The following EME2 variants were observed in gnomAD, a reference collection of about 807,000 sequenced individuals.
EME2 encodes structure-specific endonuclease subunit EME2.
Under a neutral mutation model 41.9 loss-of-function variants are expected in EME2, and 58 were observed. The observed-to-expected ratio is 1.38, with a 90% CI of 1.12 to 1.72. The LOEUF is 1.72. Ranked by LOEUF, EME2 falls within the 40% of genes most tolerant of loss-of-function variation. The probability of loss-of-function intolerance (pLI) is 0.00; values close to 1 mark genes in which losing one functional copy is unlikely to be tolerated. For missense variants in EME2, 695 were observed against 541.9 expected, an observed-to-expected ratio of 1.28 and a Z score of -2.81; for synonymous variants, 334 against 239.3, an observed-to-expected ratio of 1.40 and a Z score of -3.65.
In EME2 at chr16:1,774,313, G is replaced by A. The variant is rs1213074427; in HGVS notation, c.438G>A (p.Glu146=). Residue 146 remains glutamate, a synonymous_variant, in exon 3 of 8, where the codon GAG becomes GAA. Coordinates refer to ENST00000568449, the MANE Select transcript of EME2 (RefSeq NM_001257370.2). Reference sequence around the variant, plus strand: ...AACAGGAATTGCTGCTGCTGCTGGAGCCCGAGGAGTTTCTGCAGGGCGTCG... The same window carrying A: ...AACAGGAATTGCTGCTGCTGCTGGAACCCGAGGAGTTTCTGCAGGGCGTCG... ...AGEQELLLLL[E]PEEFLQGVAT... 3.1e-6 allele frequency: 5 copies of A among 1,612,844 alleles called. No homozygotes were observed. The highest frequency in any genetic ancestry group is 4.2e-6 in the Non-Finnish European group (5 of 1,179,938).
In EME2 at chr16:1,776,431, G is replaced by A. The variant is rs1423178454; in HGVS notation, c.*193G>A. On this transcript the variant is annotated 3_prime_UTR_variant, in exon 8 of 8. Coordinates refer to ENST00000568449, the MANE Select transcript of EME2 (RefSeq NM_001257370.2). ...GTAGCTGGGAGAAGAGGGGCTTCTG[G>A]CTGGCAGATGGCTGGCGGTTCCTGT... The A allele has an allele frequency of 1.7e-5, 10 of 578,236 alleles. No homozygotes were observed. The highest frequency in any genetic ancestry group is 3.0e-5 in the Non-Finnish European group (10 of 331,230). 35.8% of individuals were successfully genotyped at this position (578,236 alleles called of 1,614,324 possible).
rs142570450 is a variant in EME2 at position 1,776,129 on chromosome 16, C to T, written c.1031C>T (p.Pro344Leu). The T allele has an allele frequency of 2.0e-4, 324 of 1,612,134 alleles. 1 individual carries two copies. The highest frequency in any genetic ancestry group is 3.3e-4 in the South Asian group (30 of 91,070). The change falls in exon 8 of 8, where the codon CCG becomes CTG. Residue 344 changes from proline (P) to leucine (L), a missense_variant. Physicochemically the swap from Pro to Leu is moderately conservative, Grantham distance 98 (BLOSUM62 -3). Transcript: ENST00000568449. ...RMGLLADLPV[P>L]PSEGGRPRRV... ...GGCCTCCTGGCCGACCTTCCTGTGC[C>T]GCCCAGTGAAGGCGGGCGTCCCCGC...
rs780400524 is a variant in EME2, at chr16:1,776,245, G to A, written c.*7G>A. The A allele has an allele frequency of 2.2e-5, 35 of 1,611,954 alleles. 1 individual carries two copies. Among genetic ancestry groups the A allele is most frequent in the Admixed American group, 1.3e-4 (8 of 59,952 alleles). On this transcript the variant is annotated 3_prime_UTR_variant, in exon 8 of 8. Coordinates refer to ENST00000568449, the MANE Select transcript of EME2 (RefSeq NM_001257370.2). ...GCTGGACCTGGGCTCCTGACCACAC[G>A]TGGGACCACCAGGACAGCATGCAGC...
chr16:1,776,019 G>T, intron 7 of EME2, 33 bp downstream of exon 7: 1 of 1,606,040 alleles, frequency 6.2e-7, no homozygotes, highest in South Asian at 1.1e-5. Flanking sequence ...CCCTCCAGGT[G>T]CAGAAGCCCC....
chr16:1,777,259 C>T lies in EME2; in HGVS notation c.*1021C>T, dbSNP rs373221053. The T allele has an allele frequency of 1.4e-4, 226 of 1,610,350 alleles. No individual in the cohort carries two copies. The highest frequency in any genetic ancestry group is 2.5e-4 in the Admixed American group (15 of 60,000). On this transcript the variant is annotated 3_prime_UTR_variant, in exon 8 of 8. Coordinates refer to ENST00000568449, the MANE Select transcript of EME2 (RefSeq NM_001257370.2). Reference sequence around the variant, plus strand: ...TGTGTAGCACCTGCTTGAGGCCCGGCGGCAGCGGCAGACCCTCCAGCGTGT... The same window carrying T: ...TGTGTAGCACCTGCTTGAGGCCCGGTGGCAGCGGCAGACCCTCCAGCGTGT...
chr16:1,778,423 C>T lies in EME2; in HGVS notation c.*2185C>T. On this transcript the variant is annotated 3_prime_UTR_variant, in exon 8 of 8. Coordinates refer to ENST00000568449, the MANE Select transcript of EME2 (RefSeq NM_001257370.2). ...CAGTGCAGTCCCAGCAGGGGCTGGGCCCCACGCTCACACTCGTCTTCCTCT... is the reference window on the plus strand; with the variant it reads ...CAGTGCAGTCCCAGCAGGGGCTGGGTCCCACGCTCACACTCGTCTTCCTCT... 2 of 1,606,680 alleles carry T rather than the reference C, an allele frequency of 1.2e-6. No homozygotes were observed. Among genetic ancestry groups the T allele is most frequent in the Non-Finnish European group, 1.7e-6 (2 of 1,176,796 alleles).
In EME2 at chr16:1,776,086, A is replaced by T. The variant is rs1243291095; in HGVS notation, c.988A>T (p.Thr330Ser). The change falls in exon 8 of 8, where the codon ACG (threonine) becomes TCG (serine). Residue 330 changes from threonine (T) to serine (S), a missense_variant. Coordinates refer to ENST00000568449, the MANE Select transcript of EME2 (RefSeq NM_001257370.2). ...CTCCTAGGCGCTGGAGGCCTGCAGC[A>T]CGGAGCGGGAGCGCATGGGCCTCCT... is the stretch of plus-strand genomic sequence containing the variant. ...LLQQALEACS[T>S]ERERMGLLAD... 1.9e-6 allele frequency: 3 copies of T among 1,609,860 alleles called. No individual in the cohort carries two copies. The highest frequency in any genetic ancestry group is 2.5e-6 in the Non-Finnish European group (3 of 1,179,016).
chr16:1,775,694 G>A lies in EME2; in HGVS notation c.779+10G>A, dbSNP rs763432673. The A allele has an allele frequency of 1.4e-5, 23 of 1,612,796 alleles. No individual in the cohort carries two copies. Among genetic ancestry groups the A allele is most frequent in the South Asian group, 1.1e-4 (10 of 91,090 alleles). ...CCCAGTATCCCCTCAAGTGCGTGAT[G>A]CCAAGGCTGAAGGGGGGCAGGATCA... On this transcript the variant is annotated intron_variant, in intron 6 of 7. Transcript: ENST00000568449.
chr16:1,781,679 C>A lies in EME2; in HGVS notation c.*5441C>A. The stretch of plus-strand genomic sequence containing the variant: ...CAGGATCTGAGCAGCTCAATAAAAC[C>A]CAGGTAGATCCTGTGAAACGCCACC... On this transcript the variant is annotated 3_prime_UTR_variant, in exon 8 of 8. Coordinates refer to ENST00000568449, the MANE Select transcript of EME2 (RefSeq NM_001257370.2). 1.6e-6 allele frequency: 1 copy of A among 613,492 alleles called. No homozygotes were observed. Among genetic ancestry groups the A allele is most frequent in the Admixed American group, 3.0e-5 (1 of 33,012 alleles). The allele number at this position is 613,492 out of a possible 1,614,324, so 38.0% of individuals were successfully genotyped here. A position where few individuals can be genotyped will look rare whatever the true frequency, so the allele number is the denominator to read the frequency against.
Position 1,780,772 on chromosome 16 carries a change from AC to A in EME2, c.*4537del, listed in dbSNP as rs775391245. ...TTTTGAGTCAGGGTCTAGCTCTGTC[AC>A]CCAGGCTGGAACGCACTGGTGTGAT... is the stretch of plus-strand genomic sequence containing the variant. On this transcript the variant is annotated 3_prime_UTR_variant, in exon 8 of 8. Transcript: ENST00000568449. The A allele has an allele frequency of 1.1e-4, 19 of 178,726 alleles. No individual in the cohort carries two copies. Among genetic ancestry groups the A allele is most frequent in the Admixed American group, 4.4e-4 (8 of 18,244 alleles). The allele number at this position is 178,726 out of a possible 1,614,324, so 11.1% of individuals were successfully genotyped here.
chr16:1,773,176 C>G lies in EME2; in HGVS notation c.-52C>G. 1.4e-6 allele frequency: 2 copies of G among 1,420,818 alleles called. No individual in the cohort carries two copies. Among genetic ancestry groups the G allele is most frequent in the Non-Finnish European group, 1.8e-6 (2 of 1,095,350 alleles). 88.0% of individuals were successfully genotyped at this position (1,420,818 alleles called of 1,614,324 possible). On this transcript the variant is annotated 5_prime_UTR_variant, in exon 1 of 8. Transcript: ENST00000568449. ...AAGTCACCGGAAGAGGCCGGTGTCC[C>G]AGGCTAAAGTGTTCGGTCGCGGCCG...
rs755306638 is a variant in EME2, at chr16:1,781,151, C to A, written c.*4913C>A. 6.6e-7 allele frequency: 1 copy of A among 1,523,318 alleles called. No individual in the cohort carries two copies. The highest frequency in any genetic ancestry group is 2.5e-5 in the East Asian group (1 of 40,534). 94.4% of individuals were successfully genotyped at this position (1,523,318 alleles called of 1,614,324 possible). On this transcript the variant is annotated 3_prime_UTR_variant, in exon 8 of 8. Transcript: ENST00000568449. ...CAGTGTGTTCTGAGGTCCTGTCACC[C>A]CTGAGGCTGTGTGTGTCCTTTGCCA... is the stretch of plus-strand genomic sequence containing the variant.
In EME2 at chr16:1,778,787, C is replaced by G; in HGVS notation, c.*2549C>G. The G allele has an allele frequency of 1.6e-6, 1 of 621,878 alleles. No homozygotes were observed. Among genetic ancestry groups the G allele is most frequent in the Non-Finnish European group, 2.6e-6 (1 of 388,238 alleles). 38.5% of individuals were successfully genotyped at this position (621,878 alleles called of 1,614,324 possible). ...AGCCCAGGCTCCCTCCCAACGGGCT[C>G]CGGCTCTGCCCCATTCTGCATGACC... On this transcript the variant is annotated 3_prime_UTR_variant, in exon 8 of 8. Coordinates refer to ENST00000568449, the MANE Select transcript of EME2 (RefSeq NM_001257370.2).
chr16:1,772,916 G>A lies in EME2; in HGVS notation c.-312G>A, dbSNP rs1407139344. 2.8e-6 allele frequency: 4 copies of A among 1,449,050 alleles called. No homozygotes were observed. The highest frequency in any genetic ancestry group is 3.6e-6 in the Non-Finnish European group (4 of 1,107,420). The allele number at this position is 1,449,050 out of a possible 1,614,324, so 89.8% of individuals were successfully genotyped here. On this transcript the variant is annotated 5_prime_UTR_variant, in exon 1 of 8. Transcript: ENST00000568449. The stretch of plus-strand genomic sequence containing the variant: ...CCAGGCCGAAGAGCGGGAGGCGGCC[G>A]AGCAGCTGCAAGAGGCGGCTCTCGC...
In EME2 at chr16:1,780,774, C is replaced by T. The variant is rs1380969223; in HGVS notation, c.*4536C>T. On this transcript the variant is annotated 3_prime_UTR_variant, in exon 8 of 8. Transcript: ENST00000568449. The stretch of plus-strand genomic sequence containing the variant: ...TTGAGTCAGGGTCTAGCTCTGTCAC[C>T]CAGGCTGGAACGCACTGGTGTGATC... 3 of 177,168 alleles carry T rather than the reference C, an allele frequency of 1.7e-5. No individual in the cohort carries two copies. The highest frequency in any genetic ancestry group is 2.4e-5 in the Non-Finnish European group (2 of 81,690). The allele number at this position is 177,168 out of a possible 1,614,324, so 11.0% of individuals were successfully genotyped here. A position where few individuals can be genotyped will look rare whatever the true frequency, so the allele number is the denominator to read the frequency against.
rs1034523003 is a variant in EME2 at position 1,776,847 on chromosome 16, T to G, written c.*609T>G. The G allele has an allele frequency of 1.9e-6, 1 of 540,410 alleles. No individual in the cohort carries two copies. Among genetic ancestry groups the G allele is most frequent in the South Asian group, 2.6e-5 (1 of 38,504 alleles). The allele number at this position is 540,410 out of a possible 1,614,324, so 33.5% of individuals were successfully genotyped here. On this transcript the variant is annotated 3_prime_UTR_variant, in exon 8 of 8. Transcript: ENST00000568449. ...ACAGCAACGCGGGCTCCAGCCAGGCTCTCGTCCTCGCAGCCTCCCACAAGA... is the reference window on the plus strand; with the variant it reads ...ACAGCAACGCGGGCTCCAGCCAGGCGCTCGTCCTCGCAGCCTCCCACAAGA...
In EME2 at chr16:1,773,751, G is replaced by A. The variant is rs1596846426; in HGVS notation, c.294G>A (p.Glu98=). Residue 98 remains glutamate, a synonymous_variant, in exon 2 of 8, where the codon GAG becomes GAA. Transcript: ENST00000568449. ...AGADVLMEAL[E]ALGCECRIEP... The stretch of plus-strand genomic sequence containing the variant: ...CCGACGTCCTGATGGAGGCCCTGGA[G>A]GCCCTGGGCTGCGAGTGCCGCATCG... 2 of 1,549,852 alleles carry A rather than the reference G, an allele frequency of 1.3e-6. No homozygotes were observed. Among genetic ancestry groups the A allele is most frequent in the East Asian group, 2.4e-5 (1 of 41,068 alleles).
chr16:1,776,343 G>C lies in EME2; in HGVS notation c.*105G>C, dbSNP rs2042712922. ...CACATGTGGACCCTCAGCCTGGGTG[G>C]GTTCTCTGGCTGAGCAGGTCTGACC... is the stretch of plus-strand genomic sequence containing the variant. On this transcript the variant is annotated 3_prime_UTR_variant, in exon 8 of 8. Transcript: ENST00000568449. 3 of 1,246,804 alleles carry C rather than the reference G, an allele frequency of 2.4e-6. No homozygotes were observed. The South Asian group carries it at 4.1e-5, about 17-fold the overall frequency. The allele number at this position is 1,246,804 out of a possible 1,614,324, so 77.2% of individuals were successfully genotyped here.
At position 1,775,640 on chromosome 16, in the gene EME2, G is replaced by A. The variant is rs1180487414; in HGVS notation, c.735G>A (p.Arg245=). 1 of 1,612,928 alleles carries A rather than the reference G, an allele frequency of 6.2e-7. No individual in the cohort carries two copies. Among genetic ancestry groups the A allele is most frequent in the Non-Finnish European group, 8.5e-7 (1 of 1,180,036 alleles). The change falls in exon 6 of 8, where the codon CGG becomes CGA. Residue 245 remains arginine, a synonymous_variant. Coordinates refer to ENST00000568449, the MANE Select transcript of EME2 (RefSeq NM_001257370.2). ...TGGCCTCTTGGCAGGAGCTGAGTCG[G>A]CACGTGTGCGCCGTTACCAAGGCTC... ...LLVASWQELS[R]HVCAVTKALA... is the part of the protein sequence containing the mutation.
Sources: allele counts gnomAD v4.1 joint callset, GRCh38; gene constraint gnomAD v4.1.1; transcripts MANE v1.5; gene names NCBI Gene and HGNC (gene_info 2026-07-23, HGNC 2026-07-21).